DNAH7: variants seen among roughly 807,000 people sequenced by gnomAD.
The protein encoded by DNAH7 is dynein axonemal heavy chain 7, also known as axonemal beta dynein heavy chain 7.
DNAH7 carries 397 observed loss-of-function variants against 444.6 expected under a neutral mutation model. The observed-to-expected ratio is 0.89, with a 90% CI of 0.82 to 0.97. The LOEUF is 0.97. DNAH7 is among the 50% of genes least tolerant of loss of function. The probability of loss-of-function intolerance (pLI) is 0.00; values close to 1 mark genes in which losing one functional copy is unlikely to be tolerated. For missense variants in DNAH7, 4,902 were observed against 4,800.8 expected (o/e 1.02, Z -0.62); for synonymous variants, 1,636 against 1,624.4 (o/e 1.01, Z -0.17).
intron 27 of DNAH7, chr2:195,904,463 G>A (rs1686893937): frequency 6.6e-6 from 1 of 152,206 alleles, no homozygotes; most frequent in Non-Finnish European, 1.5e-5. Context: ...CAGGACAGAT[G>A]CAACTGAGTC....
At chr2:195,819,314 A>G (rs1697358259) in intron 49 of DNAH7, among the ~76,000 whole-genome samples, 1 of 152,230 alleles carries the variant, frequency 6.6e-6, no homozygotes, top group Admixed American at 6.5e-5. Context: ...CTCCCAGACC[A>G]GAATGAAAGT....
At chr2:196,049,110 A>G (rs1383586030) in intron 3 of DNAH7, among the ~76,000 whole-genome samples, 3 of 152,212 alleles carry the variant, frequency 2.0e-5, no homozygotes, top group Non-Finnish European at 4.4e-5. Flanking sequence ...TAAAATCTAT[A>G]TATTTTTAGC....
intron 40 of DNAH7, among the ~76,000 whole-genome samples, chr2:195,867,790 A>C (rs964635626): frequency 6.6e-6 from 1 of 152,190 alleles, no homozygotes; most frequent in African/African-American, 2.4e-5. Context: ...ATACAATTCC[A>C]CAGTATGTAT....
intron 20 of DNAH7, 95 bp from the exon 21 acceptor site, chr2:195,934,884 T>C: frequency 7.4e-7 from 1 of 1,348,766 alleles, no homozygotes; most frequent in Non-Finnish European, 1.0e-6. Flanking sequence ...TGCTAGGTGC[T>C]GCTGGGAATG....
At chr2:195,995,832 T>G (rs1400285443) in intron 12 of DNAH7, among the ~76,000 whole-genome samples, 1 of 152,218 alleles carries the variant, frequency 6.6e-6, no homozygotes, top group African/African-American at 2.4e-5. Flanking sequence ...ATGTGATGCC[T>G]CCAACTTTGT....
chr2:195,987,028 C>A, intron 14 of DNAH7, 38 bp downstream of exon 14: 1 of 1,529,664 alleles, frequency 6.5e-7, no homozygotes. Context: ...TTAAACATCC[C>A]CTCCCAAAAA....
At chr2:195,738,264 G>A (rs1692773222) in intron 64 of DNAH7, 137 bp from the exon 65 acceptor site, 8 of 714,562 alleles carry the variant, frequency 1.1e-5, no homozygotes, top group Non-Finnish European at 1.9e-5. Context: ...CACCAGCAGT[G>A]TTGTTGTGAT....
At position 195,876,525 on chromosome 2, in the gene DNAH7, C is replaced by T; in HGVS notation, c.6117+19G>A. 1 of 1,610,844 alleles carries T rather than the reference C, an allele frequency of 6.2e-7. No individual in the cohort carries two copies. Among genetic ancestry groups the T allele is most frequent in the Non-Finnish European group, 8.5e-7 (1 of 1,178,364 alleles). On this transcript the variant is annotated intron_variant, in intron 37 of 64. Coordinates refer to ENST00000312428, the MANE Select transcript of DNAH7 (RefSeq NM_018897.3). Reference sequence around the variant, plus strand: ...CAATGTATATGAATAGGCCCGGGTACTGTACAAAGAGTCATTACCATTCTC... The same window carrying T: ...CAATGTATATGAATAGGCCCGGGTATTGTACAAAGAGTCATTACCATTCTC...
At chr2:196,047,883 C>T (rs564924055) in intron 4 of DNAH7, among the ~76,000 whole-genome samples, 2 of 151,880 alleles carry the variant, frequency 1.3e-5, no homozygotes, top group African/African-American at 2.4e-5. Flanking sequence ...CTGATAAACA[C>T]TACATTTAAT....
chr2:195,991,028 G>A (rs1693302530), intron 12 of DNAH7, among the ~76,000 whole-genome samples: 1 of 146,330 alleles, frequency 6.8e-6, no homozygotes, highest in South Asian at 2.1e-4. Context: ...TTTACCATAC[G>A]ACATTTTTTC....
chr2:195,963,533 C>T (rs1395314463), intron 17 of DNAH7, among the ~76,000 whole-genome samples: 7 of 152,124 alleles, frequency 4.6e-5, no homozygotes, highest in African/African-American at 1.4e-4. Context: ...ATGGGTAGTT[C>T]GCAAATATTT....
chr2:195,792,162 G>C (rs1450634092), intron 57 of DNAH7, among the ~76,000 whole-genome samples: 8 of 56,106 alleles, frequency 1.4e-4, no homozygotes, highest in Admixed American at 1.3e-3. Flanking sequence ...GTGAGACCCT[G>C]TCTCAAAAAA....
rs1450662699 is a variant in DNAH7, at chr2:196,048,303, C to G, written c.243G>C (p.Gln81His). Reference sequence around the variant, plus strand: ...GAATATTGAAGTTCTTACCATGGGACTGTTCATTTTTAACACTAAATGGTT... The same window carrying G: ...GAATATTGAAGTTCTTACCATGGGAGTGTTCATTTTTAACACTAAATGGTT... The part of the protein sequence containing the change: ...SPEPFSVKNE[Q>H]SHAEYMERFG... Residue 81 changes from glutamine to histidine, a missense_variant, in exon 4 of 65, where the codon CAG becomes CAC. Gln to His is a conservative substitution (Grantham distance 24). Transcript: ENST00000312428. 5.6e-6 allele frequency: 9 copies of G among 1,611,454 alleles called. No homozygotes were observed. The highest frequency in any genetic ancestry group is 6.8e-6 in the Non-Finnish European group (8 of 1,178,094).
intron 46 of DNAH7, among the ~76,000 whole-genome samples, chr2:195,850,816 T>C (rs1699319122): frequency 6.6e-6 from 1 of 151,486 alleles, no homozygotes; most frequent in Non-Finnish European, 1.5e-5. Flanking sequence ...CAAGGAGGAG[T>C]AGAAGCCAAT....
intron 5 of DNAH7, among the ~76,000 whole-genome samples, chr2:196,045,143 G>GAGAAGGAGGAGGAGA (rs1261692571): frequency 7.4e-5 from 11 of 149,362 alleles, no homozygotes; most frequent in African/African-American, 2.5e-4. Flanking sequence ...GGAGGAGGAG[G>GAGAAGGAGGAGGAGA]AGAAGGAGGA....
At chr2:195,825,562 A>T (rs1392327288) in intron 48 of DNAH7, among the ~76,000 whole-genome samples, 1 of 152,204 alleles carries the variant, frequency 6.6e-6, no homozygotes, top group Non-Finnish European at 1.5e-5. Context: ...TCTGAATATT[A>T]TAACAAACAC....
chr2:195,994,698 T>C (rs1452516546), intron 12 of DNAH7: 3 of 507,826 alleles, frequency 5.9e-6, no homozygotes, highest in Middle Eastern at 3.3e-4. Context: ...TTTCACAACT[T>C]ATAACCATTT....
Position 195,936,797 on chromosome 2 carries a change from A to T in DNAH7, c.3079-5T>A, listed in dbSNP as rs1224066799. On this transcript the variant is annotated splice_region_variant and splice_polypyrimidine_tract_variant and intron_variant, in intron 19 of 64. Coordinates refer to ENST00000312428, the MANE Select transcript of DNAH7 (RefSeq NM_018897.3). ...AACTGTCAGAACATGTTTATCCTAA[A>T]AATAAAAATAAAAAACACTCAATTC... 6.7e-7 allele frequency: 1 copy of T among 1,487,198 alleles called. No homozygotes were observed. The highest frequency in any genetic ancestry group is 8.9e-7 in the Non-Finnish European group (1 of 1,121,308). The allele number at this position is 1,487,198 out of a possible 1,614,324, so 92.1% of individuals were successfully genotyped here.
chr2:195,958,948 G>A (rs56765844), intron 18 of DNAH7, among the ~76,000 whole-genome samples: 322 of 152,262 alleles, frequency 2.1e-3, no homozygotes, highest in African/African-American at 7.6e-3. Flanking sequence ...ATAGTCATAA[G>A]GAAGAATGAT....
Sources: allele counts gnomAD v4.1 joint callset (sites outside exome capture counted in the v4.1 genomes callset), GRCh38; gene constraint gnomAD v4.1.1; transcripts MANE v1.5; gene names NCBI Gene and HGNC (gene_info 2026-07-23, HGNC 2026-07-21).